SYT16: variants seen among roughly 807,000 people sequenced by gnomAD.
SYT16 encodes the protein synaptotagmin 16.
In SYT16, 42 loss-of-function variants were observed where a neutral mutation model predicts 61.4. That is an observed-to-expected ratio of 0.68 (90% CI 0.53 to 0.89). SYT16 has a LOEUF of 0.89. Among genes scored for constraint, SYT16 ranks in the 40% least tolerant of loss-of-function variants. The pLI, the probability that SYT16 is intolerant of heterozygous loss-of-function variation, is 0.00. For missense variants in SYT16, 804 were observed against 807.3 expected (o/e 1.00, Z 0.05); for synonymous variants, 314 against 302.3 (o/e 1.04, Z -0.40).
intron 1 of SYT16, among the ~76,000 whole-genome samples, chr14:61,896,194 C>A (rs2048320106): frequency 6.6e-6 from 1 of 151,978 alleles, no homozygotes; most frequent in African/African-American, 2.4e-5. Context: ...CTTATTCTTG[C>A]TTATATGGGC....
intron 1 of SYT16, among the ~76,000 whole-genome samples, chr14:61,814,200 A>G (rs1054621722): frequency 6.6e-6 from 1 of 152,212 alleles, no homozygotes. Context: ...AGGTGTTTCC[A>G]GTAAAATCAG....
At chr14:61,967,235 G>A (rs969841821) in intron 1 of SYT16, among the ~76,000 whole-genome samples, 1 of 152,176 alleles carries the variant, frequency 6.6e-6, no homozygotes, top group South Asian at 2.1e-4. Flanking sequence ...TTTGATGTTG[G>A]AGAATGATGA....
intron 1 of SYT16, among the ~76,000 whole-genome samples, chr14:61,944,366 G>C (rs529190732): frequency 2.6e-5 from 4 of 152,098 alleles, no homozygotes; most frequent in South Asian, 4.2e-4. Context: ...CTTTCTTCAC[G>C]GAATTAGAAA....
chr14:61,814,086 C>T (rs987029398), intron 1 of SYT16, among the ~76,000 whole-genome samples: 6 of 152,110 alleles, frequency 3.9e-5, no homozygotes, highest in African/African-American at 1.4e-4. Flanking sequence ...CACAGGTGGC[C>T]TTCAGTAAAT....
Position 61,908,448 on chromosome 14 carries a change from A to G in SYT16, c.-324-61684A>G, listed in dbSNP as rs184108703. Among the ~76,000 whole-genome samples, 11 of 152,318 alleles carry G rather than the reference A, an allele frequency of 7.2e-5. No homozygotes were observed. The East Asian group carries it at 2.1e-3, about 29-fold the overall frequency. ...CATTTCAGGTATTTTTTTAGGTTTCATAAGATGAGAAAACACTGGATTATA... is the reference window on the plus strand; with the variant it reads ...CATTTCAGGTATTTTTTTAGGTTTCGTAAGATGAGAAAACACTGGATTATA... On this transcript the variant is annotated intron_variant, in intron 1 of 7. Transcript: ENST00000683842.
chr14:61,829,678 G>A (rs1356534998), intron 1 of SYT16, among the ~76,000 whole-genome samples: 1 of 149,282 alleles, frequency 6.7e-6, no homozygotes, highest in Non-Finnish European at 1.5e-5. Context: ...TTTTTGAGAC[G>A]GAGTCTCGCT....
At chr14:61,921,836 G>C (rs1440174637) in intron 1 of SYT16, among the ~76,000 whole-genome samples, 1 of 152,140 alleles carries the variant, frequency 6.6e-6, no homozygotes, top group Non-Finnish European at 1.5e-5. Flanking sequence ...ATTGGAAGTG[G>C]GATGAAAGAG....
At chr14:61,958,416 ACTTCT>A (rs1178449828) in intron 1 of SYT16, among the ~76,000 whole-genome samples, 6 of 150,872 alleles carry the variant, frequency 4.0e-5, no homozygotes, top group African/African-American at 1.2e-4. Flanking sequence ...ATTGCTTTAA[ACTTCT>A]CTTCTAGTAC....
chr14:61,960,855 T>G (rs1401226977), intron 1 of SYT16, among the ~76,000 whole-genome samples: 2 of 152,102 alleles, frequency 1.3e-5, no homozygotes, highest in Non-Finnish European at 2.9e-5. Context: ...TCACATTACT[T>G]GATTTCAAAA....
intron 3 of SYT16, among the ~76,000 whole-genome samples, chr14:62,029,439 G>A (rs74054933): frequency 0.077 from 11,777 of 152,240 alleles, 565 homozygotes; most frequent in Middle Eastern, 0.12. Flanking sequence ...CTGCTTGAGC[G>A]AATAGCGGTG....
chr14:61,836,613 A>G (rs1308524030), intron 1 of SYT16, among the ~76,000 whole-genome samples: 2 of 152,036 alleles, frequency 1.3e-5, no homozygotes, highest in Admixed American at 6.5e-5. Flanking sequence ...TACTAATTCT[A>G]TTTGTTTCCT....
chr14:61,988,873 C>G (rs1430054170), intron 2 of SYT16, among the ~76,000 whole-genome samples: 1 of 93,914 alleles, frequency 1.1e-5, no homozygotes, highest in Non-Finnish European at 2.1e-5. Flanking sequence ...TCTTCACTAT[C>G]TAATCGCATT....
chr14:61,848,111 T>A (rs2046498455), intron 1 of SYT16, among the ~76,000 whole-genome samples: 1 of 152,210 alleles, frequency 6.6e-6, no homozygotes, highest in African/African-American at 2.4e-5. Flanking sequence ...TCTTCATGCT[T>A]GTGGATGTTT....
At chr14:61,990,953 A>G (rs963336669) in intron 2 of SYT16, among the ~76,000 whole-genome samples, 4 of 152,216 alleles carry the variant, frequency 2.6e-5, no homozygotes, top group Non-Finnish European at 2.9e-5. Flanking sequence ...TCCTATGTAC[A>G]AAATGATCTT....
chr14:61,923,624 C>T (rs1324790765), intron 1 of SYT16, among the ~76,000 whole-genome samples: 1 of 152,112 alleles, frequency 6.6e-6, no homozygotes, highest in Non-Finnish European at 1.5e-5. Flanking sequence ...CTAGTAATAT[C>T]TGGAGAGAAA....
chr14:61,885,293 A>G (rs1184215528), intron 1 of SYT16, among the ~76,000 whole-genome samples: 3 of 152,166 alleles, frequency 2.0e-5, no homozygotes, highest in African/African-American at 7.2e-5. Flanking sequence ...TTTATCTAAA[A>G]AGGGAGAGAG....
intron 7 of SYT16, among the ~76,000 whole-genome samples, chr14:62,086,282 C>G (rs1386977166): frequency 6.6e-6 from 1 of 152,064 alleles, no homozygotes; most frequent in Non-Finnish European, 1.5e-5. Context: ...GGTTTGAGAC[C>G]AGCCTGGCCA....
intron 1 of SYT16, among the ~76,000 whole-genome samples, chr14:61,881,107 G>A (rs1229136805): frequency 1.3e-5 from 2 of 152,058 alleles, no homozygotes; most frequent in African/African-American, 4.8e-5. Context: ...AAAAATGTTT[G>A]TGTTTTTATT....
At chr14:61,834,384 C>T (rs574972595) in intron 1 of SYT16, among the ~76,000 whole-genome samples, 64 of 150,218 alleles carry the variant, frequency 4.3e-4, no homozygotes, top group African/African-American at 1.5e-3. Context: ...CCTGCCTTGG[C>T]CTCTCAAAGT....
Sources: gnomAD v4.1 joint callset for allele counts (sites outside exome capture counted in the v4.1 genomes callset) on GRCh38, gnomAD v4.1.1 for gene constraint, MANE v1.5 for transcripts, NCBI Gene and HGNC (gene_info 2026-07-23, HGNC 2026-07-21) for gene names.